SH3PXD2A: variants seen among roughly 807,000 people sequenced by gnomAD.
SH3PXD2A encodes SH3 and PX domains 2A.
Under a neutral mutation model 115.2 loss-of-function variants are expected in SH3PXD2A, and 32 were observed. That is an observed-to-expected ratio of 0.28 (90% CI 0.21 to 0.37). The LOEUF (loss-of-function observed/expected upper bound fraction) is 0.37, where lower values mean the gene tolerates loss of function less well. Among genes scored for constraint, SH3PXD2A ranks in the 10% least tolerant of loss-of-function variants. SH3PXD2A has a pLI of 1.00. For missense variants in SH3PXD2A, 1,328 were observed against 1,498.7 expected, an observed-to-expected ratio of 0.89 and a Z score of 1.88; for synonymous variants, 610 against 629.1, an observed-to-expected ratio of 0.97 and a Z score of 0.45.
At chr10:103,616,632 G>A (rs1481504536) in intron 11 of SH3PXD2A, among the ~76,000 whole-genome samples, 1 of 152,240 alleles carries the variant, frequency 6.6e-6, no homozygotes, top group Non-Finnish European at 1.5e-5. Flanking sequence ...GGCCTGAGCC[G>A]AGGCCTGACT....
At chr10:103,829,778 T>C (rs182415320) in intron 1 of SH3PXD2A, among the ~76,000 whole-genome samples, 108 of 152,372 alleles carry the variant, frequency 7.1e-4, no homozygotes, top group Middle Eastern at 3.4e-3. Flanking sequence ...ACTTCAGTAA[T>C]GGTCCACTCC....
chr10:103,838,600 GCTACCATTGCC>G (rs1423025109), intron 1 of SH3PXD2A, among the ~76,000 whole-genome samples: 1 of 152,148 alleles, frequency 6.6e-6, no homozygotes, highest in African/African-American at 2.4e-5. Context: ...TGGGAATGGA[GCTACCATTGCC>G]CTCTCTCCTT....
Position 103,595,213 on chromosome 10 carries a change from T to C in SH3PXD2A, c.*6603A>G, listed in dbSNP as rs1319077503. The C allele has an allele frequency of 6.6e-6, 1 of 152,166 alleles. No individual in the cohort carries two copies. Among genetic ancestry groups the C allele is most frequent in the Non-Finnish European group, 1.5e-5 (1 of 68,040 alleles). 9.4% of individuals were successfully genotyped at this position (152,166 alleles called of 1,614,324 possible). Reference sequence around the variant, plus strand: ...CGTGTGGCCCAATGAGTGGCAGTTTTTTCCTAGCCAGTTTCTGTGGCCAAA... The same window carrying C: ...CGTGTGGCCCAATGAGTGGCAGTTTCTTCCTAGCCAGTTTCTGTGGCCAAA... On this transcript the variant is annotated 3_prime_UTR_variant, in exon 15 of 15. Coordinates refer to ENST00000369774, the MANE Select transcript of SH3PXD2A (RefSeq NM_001394015.1).
At chr10:103,774,699 C>A (rs1010454872) in intron 2 of SH3PXD2A, among the ~76,000 whole-genome samples, 12 of 152,168 alleles carry the variant, frequency 7.9e-5, no homozygotes, top group Non-Finnish European at 1.8e-4. Flanking sequence ...TGGTTAATCA[C>A]CTCAAACTTA....
intron 1 of SH3PXD2A, among the ~76,000 whole-genome samples, chr10:103,813,555 C>G (rs1281486403): frequency 2.0e-5 from 3 of 152,158 alleles, no homozygotes; most frequent in African/African-American, 7.2e-5. Context: ...AGGCCTCAAG[C>G]AATCCTCCTG....
intron 3 of SH3PXD2A, among the ~76,000 whole-genome samples, chr10:103,740,189 C>G (rs1008471690): frequency 3.9e-5 from 6 of 152,200 alleles, no homozygotes; most frequent in African/African-American, 1.4e-4. Flanking sequence ...AGTACTTTAA[C>G]CAGGCCCATT....
intron 8 of SH3PXD2A, among the ~76,000 whole-genome samples, chr10:103,640,274 C>A (rs1268422197): frequency 6.6e-6 from 1 of 151,874 alleles, no homozygotes; most frequent in African/African-American, 2.4e-5. Flanking sequence ...AAGATCGCAC[C>A]ACTGCACTGT....
rs578001200 is a variant in SH3PXD2A, at chr10:103,799,053, C to T, written c.153+2229G>A. 2.0e-5 allele frequency among the ~76,000 whole-genome samples: 3 copies of T among 152,346 alleles called. No individual in the cohort carries two copies. The South Asian group carries it at 6.2e-4, about 32-fold the overall frequency. On this transcript the variant is annotated intron_variant, in intron 2 of 14. Transcript: ENST00000369774. ...GCAGGCAATTTGAACCTTCACACTACAGATGAGAAAAGCAAGCCTAGAGAA... is the reference window on the plus strand; with the variant it reads ...GCAGGCAATTTGAACCTTCACACTATAGATGAGAAAAGCAAGCCTAGAGAA...
intron 8 of SH3PXD2A, among the ~76,000 whole-genome samples, chr10:103,654,535 G>T (rs1240392640): frequency 6.6e-6 from 1 of 152,164 alleles, no homozygotes; most frequent in African/African-American, 2.4e-5. Flanking sequence ...CACCCACTGT[G>T]TGTCAGGCCC....
At chr10:103,838,756 C>T (rs535396410) in intron 1 of SH3PXD2A, among the ~76,000 whole-genome samples, 5 of 152,208 alleles carry the variant, frequency 3.3e-5, no homozygotes, top group Non-Finnish European at 5.9e-5. Flanking sequence ...GGTGTGCCCA[C>T]GGCGGCATCT....
intron 10 of SH3PXD2A, among the ~76,000 whole-genome samples, chr10:103,619,350 C>A (rs1053957136): frequency 6.6e-6 from 1 of 152,200 alleles, no homozygotes; most frequent in African/African-American, 2.4e-5. Flanking sequence ...AGGGGCAGCG[C>A]CAGGCTCCGG....
intron 3 of SH3PXD2A, among the ~76,000 whole-genome samples, chr10:103,753,362 G>C (rs1287958407): frequency 6.7e-6 from 1 of 150,200 alleles, no homozygotes; most frequent in African/African-American, 2.5e-5. Flanking sequence ...CGGGCATAGT[G>C]GTGGGCGCCT....
chr10:103,848,612 T>C (rs1842869262), intron 1 of SH3PXD2A, among the ~76,000 whole-genome samples: 1 of 152,168 alleles, frequency 6.6e-6, no homozygotes, highest in Non-Finnish European at 1.5e-5. Flanking sequence ...GCCCAGCTTT[T>C]CCTTGCACGT....
chr10:103,660,962 G>A (rs754238926), intron 8 of SH3PXD2A, 21 bp downstream of exon 8: 1 of 1,612,974 alleles, frequency 6.2e-7, no homozygotes, highest in South Asian at 1.1e-5. Flanking sequence ...CCAGTGGACG[G>A]CCATTGGCCA....
intron 6 of SH3PXD2A, among the ~76,000 whole-genome samples, chr10:103,682,705 C>G (rs1022782867): frequency 6.6e-6 from 1 of 151,414 alleles, no homozygotes; most frequent in South Asian, 2.1e-4. Context: ...TGCAGTGAGC[C>G]GAGATCGTGC....
At chr10:103,812,815 G>A (rs916709838) in intron 1 of SH3PXD2A, among the ~76,000 whole-genome samples, 1 of 152,228 alleles carries the variant, frequency 6.6e-6, no homozygotes. Context: ...GCTGTCATTA[G>A]AAATTTCGTT....
At chr10:103,603,912 G>C in intron 14 of SH3PXD2A, 123 bp from the exon 15 acceptor site, 1 of 1,132,990 alleles carries the variant, frequency 8.8e-7, no homozygotes. Flanking sequence ...ATAATAAACC[G>C]AGCCACTGAG....
At chr10:103,742,495 C>A (rs896582006) in intron 3 of SH3PXD2A, among the ~76,000 whole-genome samples, 1 of 152,178 alleles carries the variant, frequency 6.6e-6, no homozygotes, top group Non-Finnish European at 1.5e-5. Flanking sequence ...CCAAATAAGG[C>A]CAGATTCACA....
chr10:103,738,044 T>G (rs1169396419), intron 3 of SH3PXD2A, among the ~76,000 whole-genome samples: 3 of 152,182 alleles, frequency 2.0e-5, no homozygotes, highest in African/African-American at 7.2e-5. Context: ...AATGAGTGCT[T>G]GCTGGGTCAT....
Sources: allele counts gnomAD v4.1 joint callset (sites outside exome capture counted in the v4.1 genomes callset), GRCh38; gene constraint gnomAD v4.1.1; transcripts MANE v1.5; gene names NCBI Gene and HGNC (gene_info 2026-07-23, HGNC 2026-07-21).